Variants in WNK1 observed in about 807,000 individuals in gnomAD.
The protein encoded by WNK1 is WNK lysine deficient protein kinase 1.
Under a neutral mutation model 222.8 loss-of-function variants are expected in WNK1, and 38 were observed. The observed-to-expected ratio is 0.17, with a 90% confidence interval of 0.13 to 0.22. WNK1 has a LOEUF of 0.22. WNK1 is among the 10% of genes least tolerant of loss of function. The pLI, the probability that WNK1 is intolerant of heterozygous loss-of-function variation, is 1.00. For synonymous variants in WNK1, 1,090 were observed against 1,092.9 expected (o/e 1.00, Z 0.05); for missense variants, 2,348 against 2,918.4 (o/e 0.80, Z 4.50).
intron 4 of WNK1, among the ~76,000 whole-genome samples, chr12:839,012 A>G (rs1450542610): frequency 6.6e-6 from 1 of 152,214 alleles, no homozygotes. Flanking sequence ...TAAAGAACTT[A>G]CCAAGGGAAG....
intron 25 of WNK1, among the ~76,000 whole-genome samples, chr12:898,024 C>T (rs548066313): frequency 1.3e-5 from 2 of 152,306 alleles, no homozygotes; most frequent in South Asian, 4.1e-4. Context: ...GAAGAAAATA[C>T]ATTATTCTCT....
At chr12:789,197 A>C (rs914980259) in intron 1 of WNK1, among the ~76,000 whole-genome samples, 1 of 152,168 alleles carries the variant, frequency 6.6e-6, no homozygotes, top group African/African-American at 2.4e-5. Context: ...TGTTGATGGC[A>C]CCAAACAGGG....
At chr12:854,444 G>A (rs548460990) in intron 4 of WNK1, among the ~76,000 whole-genome samples, 112 of 136,174 alleles carry the variant, frequency 8.2e-4, no homozygotes, top group African/African-American at 3.0e-3. Flanking sequence ...TGCAACCTCT[G>A]CCTCCTGGGT....
At chr12:773,235 G>A (rs1373959275) in intron 1 of WNK1, among the ~76,000 whole-genome samples, 1 of 151,830 alleles carries the variant, frequency 6.6e-6, no homozygotes, top group East Asian at 1.9e-4. Flanking sequence ...TCCAGCCTGG[G>A]CAATAAGAGC....
rs1039268068 is a variant in WNK1 at position 833,971 on chromosome 12, A to G, written c.1311+3811A>G. Among the ~76,000 whole-genome samples the G allele has an allele frequency of 2.6e-5, 4 of 152,230 alleles. No individual in the cohort carries two copies. The South Asian group carries it at 8.3e-4, about 32-fold the overall frequency. On this transcript the variant is annotated intron_variant, in intron 4 of 27. Coordinates refer to ENST00000315939, the MANE Select transcript of WNK1 (RefSeq NM_018979.4). ...GTAAACAAAGAATTATAATTACATTATGGTGAGTATTGTAATGGAGACAAG... is the reference window on the plus strand; with the variant it reads ...GTAAACAAAGAATTATAATTACATTGTGGTGAGTATTGTAATGGAGACAAG...
At chr12:769,594 C>T (rs1942223241) in intron 1 of WNK1, among the ~76,000 whole-genome samples, 1 of 152,118 alleles carries the variant, frequency 6.6e-6, no homozygotes, top group African/African-American at 2.4e-5. Context: ...TTTATTATTT[C>T]CCCACCCCAG....
At position 879,811 on chromosome 12, in the gene WNK1, A is replaced by G; in HGVS notation, c.2612A>G (p.Gln871Arg). Reference protein sequence around the residue: ...LPITMAAGITQPLLTLASSAT... With the variant: ...LPITMAAGITRPLLTLASSAT... Reference sequence around the variant, plus strand: ...ATCACAATGGCAGCTGGCATTACTCAGCCTCTGCTCACGTTGGCTTCATCT... The same window carrying G: ...ATCACAATGGCAGCTGGCATTACTCGGCCTCTGCTCACGTTGGCTTCATCT... The change falls in exon 11 of 28, where the codon CAG becomes CGG. Residue 871 changes from glutamine (Q) to arginine (R), a missense_variant. By Grantham distance (43) the Gln-to-Arg change is conservative. Transcript: ENST00000315939. The G allele has an allele frequency of 1.2e-6, 2 of 1,613,934 alleles. No individual in the cohort carries two copies. The highest frequency in any genetic ancestry group is 1.7e-6 in the Non-Finnish European group (2 of 1,179,968).
Position 908,861 on chromosome 12 carries a change from G to GGGGGGC in WNK1, c.*69_*70insGGGGGC. 1 of 491,846 alleles carries GGGGGGC rather than the reference G, an allele frequency of 2.0e-6. No homozygotes were observed. The highest frequency in any genetic ancestry group is 4.1e-6 in the Non-Finnish European group (1 of 241,770). 30.5% of individuals were successfully genotyped at this position (491,846 alleles called of 1,614,324 possible). On this transcript the variant is annotated 3_prime_UTR_variant, in exon 28 of 28. Coordinates refer to ENST00000315939, the MANE Select transcript of WNK1 (RefSeq NM_018979.4). ...ATGCTGAGGGGGTGGGTGGGGGTGGGAAGTAGCCTATATACTAACTACTAG... is the reference window on the plus strand; with the variant it reads ...ATGCTGAGGGGGTGGGTGGGGGTGGGGGGGGCAAGTAGCCTATATACTAACTACTAG...
At chr12:861,900 C>A (rs1336391296) in intron 7 of WNK1, among the ~76,000 whole-genome samples, 183 bp from the exon 8 acceptor site, 1 of 152,102 alleles carries the variant, frequency 6.6e-6, no homozygotes, top group African/African-American at 2.4e-5. Context: ...CATATGGATT[C>A]CTCATTTAAA....
chr12:823,820 A>C (rs1027456193), intron 2 of WNK1, among the ~76,000 whole-genome samples: 2 of 152,062 alleles, frequency 1.3e-5, no homozygotes, highest in African/African-American at 4.8e-5. Flanking sequence ...CTTTTCAGCA[A>C]CTGGGCTTTG....
chr12:898,621 T>C (rs926929414), intron 25 of WNK1, among the ~76,000 whole-genome samples: 2 of 152,134 alleles, frequency 1.3e-5, no homozygotes, highest in Admixed American at 1.3e-4. Context: ...CAGACTGGAG[T>C]GCAGTGGTGT....
rs377113516 is a variant in WNK1 at position 868,361 on chromosome 12, A to G, written c.2140-2904A>G. 27 of 1,613,828 alleles carry G rather than the reference A, an allele frequency of 1.7e-5. No individual in the cohort carries two copies. The highest frequency in any genetic ancestry group is 2.2e-5 in the South Asian group (2 of 91,078). On this transcript the variant is annotated intron_variant, in intron 8 of 27. Coordinates refer to ENST00000315939, the MANE Select transcript of WNK1 (RefSeq NM_018979.4). ...CAACTCATCAGTACTGTCAAGTCCT[A>G]TGAAACAGATACCTGAACAGAAGCC...
chr12:763,994 A>G (rs1484103142), intron 1 of WNK1, among the ~76,000 whole-genome samples: 1 of 147,670 alleles, frequency 6.8e-6, no homozygotes, highest in Non-Finnish European at 1.5e-5. Flanking sequence ...ATCTCCAGTA[A>G]GAAGTTCAAT....
At chr12:809,990 G>A (rs952716703) in intron 1 of WNK1, among the ~76,000 whole-genome samples, 2 of 152,128 alleles carry the variant, frequency 1.3e-5, no homozygotes, top group African/African-American at 4.8e-5. Context: ...GGTGGCTCAC[G>A]TCTGTAATCC....
intron 1 of WNK1, among the ~76,000 whole-genome samples, chr12:766,982 G>A (rs995180456): frequency 2.6e-5 from 4 of 151,878 alleles, no homozygotes; most frequent in African/African-American, 7.3e-5. Flanking sequence ...TCAACATGTT[G>A]GCCAGGCTGA....
intron 3 of WNK1, among the ~76,000 whole-genome samples, chr12:828,229 C>T (rs1029563569): frequency 6.6e-6 from 1 of 152,018 alleles, no homozygotes; most frequent in East Asian, 1.9e-4. Context: ...TCACTTGAAC[C>T]CGGGAGGTGG....
chr12:756,411 AC>A (rs1364484858), intron 1 of WNK1, among the ~76,000 whole-genome samples: 1 of 152,210 alleles, frequency 6.6e-6, no homozygotes, highest in African/African-American at 2.4e-5. Flanking sequence ...AGAACTCGTA[AC>A]TTTTTGGATT....
At chr12:903,223 T>C in intron 26 of WNK1, among the ~76,000 whole-genome samples, 1 of 152,188 alleles carries the variant, frequency 6.6e-6, no homozygotes, top group Non-Finnish European at 1.5e-5. Context: ...TGAGAGGCAG[T>C]CTTTACTGAC....
At chr12:826,182 A>G (rs1046502505) in intron 2 of WNK1, among the ~76,000 whole-genome samples, 7 of 152,236 alleles carry the variant, frequency 4.6e-5, no homozygotes, top group African/African-American at 9.6e-5. Context: ...AACGTACACC[A>G]TCCAGAATGG....
Sources: gnomAD v4.1 joint callset for allele counts (sites outside exome capture counted in the v4.1 genomes callset) on GRCh38, gnomAD v4.1.1 for gene constraint, MANE v1.5 for transcripts, NCBI Gene and HGNC (gene_info 2026-07-23, HGNC 2026-07-21) for gene names.